The following HSPA4L variants were observed in gnomAD, a reference collection of about 807,000 sequenced individuals.
HSPA4L encodes the protein heat shock 70 kDa protein 4L.
Under a neutral mutation model 100.3 loss-of-function variants are expected in HSPA4L, and 48 were observed. The ratio of observed to expected loss-of-function variants is 0.48; its 90% CI spans 0.38 to 0.61. The LOEUF is 0.61. HSPA4L is among the 20% of genes least tolerant of loss of function. The probability of loss-of-function intolerance (pLI) is 0.00; values close to 1 mark genes in which losing one functional copy is unlikely to be tolerated. For synonymous variants in HSPA4L, 319 were observed against 328.2 expected, an observed-to-expected ratio of 0.97 and a Z score of 0.30; for missense variants, 886 against 988.6, an observed-to-expected ratio of 0.90 and a Z score of 1.39.
rs1320204748 is a variant in HSPA4L, at chr4:127,840,147, G to C, written c.*7273G>C. 6.6e-6 allele frequency: 1 copy of C among 152,194 alleles called. No individual in the cohort carries two copies. The highest frequency in any genetic ancestry group is 2.4e-5 in the African/African-American group (1 of 41,424). 9.4% of individuals were successfully genotyped at this position (152,194 alleles called of 1,614,324 possible). ...GAGGTGGGAGAATAGCTTGAACCTG[G>C]GAGGCAGAGGTTGTGGTGAGCCAAG... On this transcript the variant is annotated 3_prime_UTR_variant, in exon 19 of 19. Coordinates refer to ENST00000296464, the MANE Select transcript of HSPA4L (RefSeq NM_014278.4).
intron 12 of HSPA4L, among the ~76,000 whole-genome samples, chr4:127,813,716 C>T (rs1045983794): frequency 6.6e-6 from 1 of 152,202 alleles, no homozygotes; most frequent in Non-Finnish European, 1.5e-5. Flanking sequence ...AATCTCGGCC[C>T]ACTACAACCT....
chr4:127,787,426 C>T (rs1430709553), intron 1 of HSPA4L, among the ~76,000 whole-genome samples: 1 of 152,150 alleles, frequency 6.6e-6, no homozygotes, highest in Non-Finnish European at 1.5e-5. Context: ...TGAAGAATTA[C>T]ACAAAGTAAG....
rs1351440856 is a variant in HSPA4L, at chr4:127,837,588, G to C, written c.*4714G>C. ...ATACTTTTTATCAAAAAAGATGGCAGGTTTAACATTATACCTTTTGGTTTT... is the reference window on the plus strand; with the variant it reads ...ATACTTTTTATCAAAAAAGATGGCACGTTTAACATTATACCTTTTGGTTTT... On this transcript the variant is annotated 3_prime_UTR_variant, in exon 19 of 19. Coordinates refer to ENST00000296464, the MANE Select transcript of HSPA4L (RefSeq NM_014278.4). 2 of 152,192 alleles carry C rather than the reference G, an allele frequency of 1.3e-5. No individual in the cohort carries two copies. The highest frequency in any genetic ancestry group is 2.1e-4 in the South Asian group (1 of 4,816). 9.4% of individuals were successfully genotyped at this position (152,192 alleles called of 1,614,324 possible).
chr4:127,795,940 A>G, intron 3 of HSPA4L, 32 bp downstream of exon 3: 8 of 1,602,054 alleles, frequency 5.0e-6, no homozygotes, highest in Non-Finnish European at 6.8e-6. Flanking sequence ...TTACAAACAT[A>G]TCTTCAAATT....
At chr4:127,810,071 ACATCTTCTATAAAC>A in intron 11 of HSPA4L, among the ~76,000 whole-genome samples, 1 of 152,260 alleles carries the variant, frequency 6.6e-6, no homozygotes, top group East Asian at 1.9e-4. Context: ...TCTTCTATAA[ACATCTTCTATAAAC>A]CATCTTCTAT....
Position 127,818,277 on chromosome 4 carries a change from C to T in HSPA4L, c.1579-48C>T, listed in dbSNP as rs1014204513. 4.8e-5 allele frequency: 63 copies of T among 1,326,042 alleles called. No individual in the cohort carries two copies. In the African/African-American group the frequency reaches 6.6e-4, roughly 14 times the overall value. The allele number at this position is 1,326,042 out of a possible 1,614,324, so 82.1% of individuals were successfully genotyped here. ...TAAGATGCAGTTTACATTTTTAAAA[C>T]AAAAAAAAGACACTGCGTATATTAT... On this transcript the variant is annotated intron_variant, in intron 12 of 18. Coordinates refer to ENST00000296464, the MANE Select transcript of HSPA4L (RefSeq NM_014278.4).
chr4:127,797,602 A>AT (rs200747966), intron 3 of HSPA4L, among the ~76,000 whole-genome samples: 52,599 of 136,692 alleles, frequency 0.38, 11,131 homozygotes, highest in African/African-American at 0.56. Context: ...TTTAAAAAAA[A>AT]TTTTTTTTTT....
At position 127,782,546 on chromosome 4, in the gene HSPA4L, G is replaced by A; in HGVS notation, c.-5G>A. 2 of 1,612,918 alleles carry A rather than the reference G, an allele frequency of 1.2e-6. No individual in the cohort carries two copies. Among genetic ancestry groups the A allele is most frequent in the Non-Finnish European group, 1.7e-6 (2 of 1,178,946 alleles). On this transcript the variant is annotated 5_prime_UTR_variant, in exon 1 of 19. Coordinates refer to ENST00000296464, the MANE Select transcript of HSPA4L (RefSeq NM_014278.4). ...GTACCAGCAGCCCGACCATCACGCG[G>A]CGGGATGTCTGTGGTTGGCATTGAC...
In HSPA4L at chr4:127,789,956, G is replaced by A. The variant is rs758499658; in HGVS notation, c.108-4121G>A. Among the ~76,000 whole-genome samples the A allele has an allele frequency of 5.3e-5, 8 of 152,250 alleles. 1 individual carries two copies. In the South Asian group the frequency reaches 1.5e-3, roughly 28 times the overall value. On this transcript the variant is annotated intron_variant, in intron 1 of 18. Coordinates refer to ENST00000296464, the MANE Select transcript of HSPA4L (RefSeq NM_014278.4). ...CCTGGAATGTATTTGAAAGAAAATC[G>A]AAGGAGTTTGAAGGGTGCCTTTATA...
intron 16 of HSPA4L, among the ~76,000 whole-genome samples, chr4:127,825,421 C>T (rs2148798694): frequency 6.6e-6 from 1 of 152,114 alleles, no homozygotes; most frequent in South Asian, 2.1e-4. Context: ...AAAGATGGCC[C>T]TTTACAACTT....
chr4:127,833,493 T>A lies in HSPA4L; in HGVS notation c.*619T>A, dbSNP rs942208260. 1 of 152,166 alleles carries A rather than the reference T, an allele frequency of 6.6e-6. No homozygotes were observed. The highest frequency in any genetic ancestry group is 1.9e-4 in the East Asian group (1 of 5,196). 9.4% of individuals were successfully genotyped at this position (152,166 alleles called of 1,614,324 possible). ...TTTTATGTTAAGGTGAAACCAGCAG[T>A]TTGCTTCTTTTATTAGTAATGTGGA... On this transcript the variant is annotated 3_prime_UTR_variant, in exon 19 of 19. Transcript: ENST00000296464.
At chr4:127,800,193 T>C (rs1046465503) in intron 4 of HSPA4L, among the ~76,000 whole-genome samples, 4 of 152,178 alleles carry the variant, frequency 2.6e-5, no homozygotes, top group African/African-American at 4.8e-5. Context: ...CATGGCGGCT[T>C]ATGTCTGTAA....
chr4:127,791,769 T>A (rs939957303), intron 1 of HSPA4L, among the ~76,000 whole-genome samples: 1 of 152,168 alleles, frequency 6.6e-6, no homozygotes, highest in Admixed American at 6.5e-5. Context: ...AAAATCTTAT[T>A]TCCTTGGGTA....
intron 4 of HSPA4L, among the ~76,000 whole-genome samples, chr4:127,800,635 G>A (rs1027884962): frequency 6.6e-6 from 1 of 152,104 alleles, no homozygotes; most frequent in Admixed American, 6.6e-5. Flanking sequence ...AGTTGGGACT[G>A]TATTCTTCTG....
intron 2 of HSPA4L, among the ~76,000 whole-genome samples, chr4:127,795,501 A>T (rs1182423470): frequency 6.6e-6 from 1 of 152,158 alleles, no homozygotes; most frequent in Admixed American, 6.5e-5. Context: ...AACGTTTTAA[A>T]GGTTTATTCG....
chr4:127,816,987 CT>C (rs1408886945), intron 12 of HSPA4L, among the ~76,000 whole-genome samples: 1 of 152,128 alleles, frequency 6.6e-6, no homozygotes, highest in Non-Finnish European at 1.5e-5. Flanking sequence ...CACTTTATCA[CT>C]TTTTTCACCT....
In HSPA4L at chr4:127,811,948, G is replaced by T. The variant is rs1399901230; in HGVS notation, c.1578+312G>T. Among the ~76,000 whole-genome samples the T allele has an allele frequency of 3.9e-5, 6 of 151,986 alleles. 1 individual carries two copies. The highest frequency in any genetic ancestry group is 6.6e-5 in the Admixed American group (1 of 15,256). On this transcript the variant is annotated intron_variant, in intron 12 of 18. Coordinates refer to ENST00000296464, the MANE Select transcript of HSPA4L (RefSeq NM_014278.4). ...CCATTAAAACATGTATTTTATTATG[G>T]CTAGATTTTTAGCTTACAGATAAAA...
Position 127,834,576 on chromosome 4 carries a change from C to G in HSPA4L, c.*1702C>G, listed in dbSNP as rs1363221166. 1 of 152,108 alleles carries G rather than the reference C, an allele frequency of 6.6e-6. No individual in the cohort carries two copies. The highest frequency in any genetic ancestry group is 6.5e-5 in the Admixed American group (1 of 15,274). The allele number at this position is 152,108 out of a possible 1,614,324, so 9.4% of individuals were successfully genotyped here. ...AGTCTTTAAACTTTCTCTTAATTCT[C>G]TTAAAATGAAATAGGTATATCCAAT... is the stretch of plus-strand genomic sequence containing the variant. On this transcript the variant is annotated 3_prime_UTR_variant, in exon 19 of 19. Coordinates refer to ENST00000296464, the MANE Select transcript of HSPA4L (RefSeq NM_014278.4).
At chr4:127,805,571 T>A in intron 9 of HSPA4L, 116 bp from the exon 10 acceptor site, 1 of 695,846 alleles carries the variant, frequency 1.4e-6, no homozygotes, top group Non-Finnish European at 2.2e-6. Context: ...CAAAAACCAG[T>A]AACTTTTAAA....
Sources: gnomAD v4.1 joint callset for allele counts (sites outside exome capture counted in the v4.1 genomes callset) on GRCh38, gnomAD v4.1.1 for gene constraint, MANE v1.5 for transcripts, NCBI Gene and HGNC (gene_info 2026-07-23, HGNC 2026-07-21) for gene names.